The following PLCB4 variants were observed in gnomAD, a reference collection of about 807,000 sequenced individuals.
PLCB4 encodes phospholipase C beta 4.
A neutral mutation model predicts 178.8 loss-of-function variants in PLCB4; 77 were observed. The observed-to-expected ratio is 0.43, with a 90% CI of 0.36 to 0.52. The LOEUF (loss-of-function observed/expected upper bound fraction) is 0.52, where lower values mean the gene tolerates loss of function less well. PLCB4 is among the 20% of genes least tolerant of loss of function. The probability of loss-of-function intolerance (pLI) is 0.00; values close to 1 mark genes in which losing one functional copy is unlikely to be tolerated. For missense variants in PLCB4, 1,024 were observed against 1,453.4 expected (o/e 0.70, Z 4.80); for synonymous variants, 496 against 490.8 (o/e 1.01, Z -0.14).
At chr20:9,248,097 C>G (rs1328497095) in intron 3 of PLCB4, among the ~76,000 whole-genome samples, 2 of 151,930 alleles carry the variant, frequency 1.3e-5, no homozygotes, top group African/African-American at 4.8e-5. Context: ...TCGGTTAGCT[C>G]TCATGAGAAT....
At chr20:9,340,027 G>A (rs768205135) in intron 7 of PLCB4, among the ~76,000 whole-genome samples, 18 of 152,124 alleles carry the variant, frequency 1.2e-4, no homozygotes, top group Non-Finnish European at 2.1e-4. Context: ...ACATGGGTTT[G>A]GGGGAATGGG....
chr20:9,428,872 G>A (rs558646335), intron 28 of PLCB4, among the ~76,000 whole-genome samples: 1 of 152,114 alleles, frequency 6.6e-6, no homozygotes, highest in African/African-American at 2.4e-5. Context: ...CTCCTGAAAA[G>A]CCAATAAGCA....
intron 4 of PLCB4, among the ~76,000 whole-genome samples, chr20:9,324,084 A>C (rs1221119778): frequency 6.6e-6 from 1 of 151,776 alleles, no homozygotes; most frequent in African/African-American, 2.4e-5. Flanking sequence ...CTGAGGCAGG[A>C]GAATTGCTTA....
At chr20:9,145,386 C>G (rs2092578552) in intron 2 of PLCB4, among the ~76,000 whole-genome samples, 1 of 152,074 alleles carries the variant, frequency 6.6e-6, no homozygotes, top group African/African-American at 2.4e-5. Flanking sequence ...ACTACTGCAT[C>G]CTACTTTTAT....
In PLCB4 at chr20:9,359,315, C is replaced by T. The variant is rs115251038; in HGVS notation, c.370-3581C>T. Among the ~76,000 whole-genome samples the T allele has an allele frequency of 1.3e-3, 192 of 152,160 alleles. 1 individual carries two copies. The highest frequency in any genetic ancestry group is 4.5e-3 in the African/African-American group (186 of 41,504). ...TGGTGAAAATAAATTTAAGGAGTCC[C>T]AGAGGAGAGGTCAAAAGCTCCAGGA... is the stretch of plus-strand genomic sequence containing the variant. On this transcript the variant is annotated intron_variant, in intron 7 of 39. Coordinates refer to ENST00000378473, the MANE Select transcript of PLCB4 (RefSeq NM_001377142.1).
At chr20:9,413,311 T>C (rs1226830965) in intron 25 of PLCB4, among the ~76,000 whole-genome samples, 2 of 151,882 alleles carry the variant, frequency 1.3e-5, no homozygotes, top group Non-Finnish European at 2.9e-5. Flanking sequence ...GTATTGTTTC[T>C]GTATAAAAAA....
At chr20:9,158,287 A>G (rs1187877221) in intron 2 of PLCB4, among the ~76,000 whole-genome samples, 1 of 150,274 alleles carries the variant, frequency 6.7e-6, no homozygotes, top group Non-Finnish European at 1.5e-5. Flanking sequence ...TTTTTTTGAG[A>G]CAGAGTCTTG....
intron 3 of PLCB4, among the ~76,000 whole-genome samples, chr20:9,252,889 C>T (rs899801730): frequency 2.6e-5 from 4 of 152,066 alleles, no homozygotes; most frequent in African/African-American, 9.7e-5. Context: ...CCTTGGCTTC[C>T]CTCGTTTTTA....
intron 28 of PLCB4, among the ~76,000 whole-genome samples, chr20:9,435,154 G>C (rs1195349540): frequency 6.6e-6 from 1 of 152,174 alleles, no homozygotes; most frequent in Admixed American, 6.5e-5. Flanking sequence ...GAATTATCAT[G>C]ATTATTCTGC....
intron 4 of PLCB4, among the ~76,000 whole-genome samples, chr20:9,334,245 A>C (rs945404369): frequency 6.6e-6 from 1 of 152,252 alleles, no homozygotes; most frequent in Admixed American, 6.5e-5. Flanking sequence ...TCAGAGATCA[A>C]CTCAGGTGAG....
chr20:9,163,662 C>T (rs898394032), intron 2 of PLCB4, among the ~76,000 whole-genome samples: 1 of 151,772 alleles, frequency 6.6e-6, no homozygotes, highest in Non-Finnish European at 1.5e-5. Context: ...TAGACAGTAT[C>T]TGTTGAGTCC....
chr20:9,084,284 A>G (rs2090297859), intron 1 of PLCB4, among the ~76,000 whole-genome samples: 1 of 152,198 alleles, frequency 6.6e-6, no homozygotes, highest in African/African-American at 2.4e-5. Context: ...AACATGTTAA[A>G]TGAGCTCAAA....
intron 2 of PLCB4, among the ~76,000 whole-genome samples, chr20:9,152,653 G>T (rs931159019): frequency 1.3e-5 from 2 of 152,200 alleles, no homozygotes; most frequent in African/African-American, 2.4e-5. Context: ...ACTTCATGGA[G>T]AACTTCTGCT....
intron 3 of PLCB4, among the ~76,000 whole-genome samples, chr20:9,295,082 G>A (rs1393935388): frequency 1.3e-5 from 2 of 152,270 alleles, no homozygotes; most frequent in South Asian, 4.1e-4. Context: ...GAAGCCCTGG[G>A]TTAAGAACCC....
chr20:9,320,215 G>A (rs1055724135), intron 4 of PLCB4, among the ~76,000 whole-genome samples: 4 of 152,214 alleles, frequency 2.6e-5, no homozygotes, highest in Admixed American at 6.5e-5. Flanking sequence ...TTCCAGGAAA[G>A]GGGAAGTAAT....
chr20:9,200,367 T>C (rs2093527577), intron 2 of PLCB4, among the ~76,000 whole-genome samples: 1 of 152,214 alleles, frequency 6.6e-6, no homozygotes, highest in African/African-American at 2.4e-5. Context: ...CAATGTTAAC[T>C]GTTACCGCCT....
At chr20:9,472,378 A>G (rs1271465043) in intron 36 of PLCB4, among the ~76,000 whole-genome samples, 3 of 152,210 alleles carry the variant, frequency 2.0e-5, no homozygotes, top group African/African-American at 7.2e-5. Context: ...AGAAGCTCTT[A>G]TATTACACAT....
At chr20:9,335,347 T>C (rs1044725042) in intron 4 of PLCB4, among the ~76,000 whole-genome samples, 1 of 152,112 alleles carries the variant, frequency 6.6e-6, no homozygotes, top group African/African-American at 2.4e-5. Context: ...CCTGTCATTC[T>C]CTTGAAGTGC....
chr20:9,382,530 G>T (rs529487831), intron 13 of PLCB4, among the ~76,000 whole-genome samples: 40 of 152,180 alleles, frequency 2.6e-4, no homozygotes, highest in Non-Finnish European at 4.7e-4. Flanking sequence ...TTGGTCACTT[G>T]CTCTGTCTTG....
Sources: allele counts gnomAD v4.1 joint callset (sites outside exome capture counted in the v4.1 genomes callset), GRCh38; gene constraint gnomAD v4.1.1; transcripts MANE v1.5; gene names NCBI Gene and HGNC (gene_info 2026-07-23, HGNC 2026-07-21).